COL19A1: variants seen among roughly 807,000 people sequenced by gnomAD.
The protein encoded by COL19A1 is collagen type XIX alpha 1 chain.
Under a neutral mutation model 190.2 loss-of-function variants are expected in COL19A1, and 159 were observed. That is an observed-to-expected ratio of 0.84 (90% confidence interval 0.73 to 0.95). The LOEUF (loss-of-function observed/expected upper bound fraction) is 0.95. COL19A1 is among the 40% of genes least tolerant of loss of function. The pLI is 0.00. For missense variants in COL19A1, 1,418 were observed against 1,431.9 expected (o/e 0.99, Z 0.16); for synonymous variants, 509 against 458.9 (o/e 1.11, Z -1.39).
chr6:70,164,907 A>AT (rs937293255), intron 36 of COL19A1, among the ~76,000 whole-genome samples: 4 of 152,282 alleles, frequency 2.6e-5, no homozygotes, highest in African/African-American at 9.6e-5. Context: ...TTTACAGTTT[A>AT]TTTTTATTGA....
intron 15 of COL19A1, among the ~76,000 whole-genome samples, 163 bp from the exon 16 acceptor site, chr6:70,102,006 G>A (rs763486065): frequency 6.6e-6 from 1 of 152,076 alleles, no homozygotes; most frequent in Non-Finnish European, 1.5e-5. Flanking sequence ...TTAAAAATTG[G>A]CCCACAGCTT....
At chr6:70,040,372 T>C (rs1779575727) in intron 14 of COL19A1, among the ~76,000 whole-genome samples, 1 of 152,162 alleles carries the variant, frequency 6.6e-6, no homozygotes, top group Non-Finnish European at 1.5e-5. Flanking sequence ...TAGAAACAGT[T>C]TGATTTGCTA....
chr6:70,112,869 A>G (rs1362234714), intron 16 of COL19A1, among the ~76,000 whole-genome samples: 4 of 152,172 alleles, frequency 2.6e-5, no homozygotes, highest in Non-Finnish European at 1.5e-5. Context: ...AGTTCCCTCA[A>G]TTACACAGCT....
At chr6:69,929,757 C>G in intron 6 of COL19A1, 57 bp downstream of exon 6, 1 of 1,350,654 alleles carries the variant, frequency 7.4e-7, no homozygotes, top group Non-Finnish European at 1.0e-6. Context: ...AAAAAAAAAT[C>G]TTATTAAAAA....
Position 70,151,415 on chromosome 6 carries a change from G to A in COL19A1, c.2056G>A (p.Gly686Arg), listed in dbSNP as rs138837468. ...PGDPIALPLL[G>R]DIGALLKNFC... ...ACCACAGATTGCACTTCCTCTCTTG[G>A]GAGACATCGGTGCTTTGCTCAAGGT... Residue 686 changes from glycine (G) to arginine (R), a missense_variant, in exon 31 of 51, where the codon GGA becomes AGA. Physicochemically the swap from Gly to Arg is moderately radical, Grantham distance 125. Transcript: ENST00000620364. 4 of 1,612,494 alleles carry A rather than the reference G, an allele frequency of 2.5e-6. No individual in the cohort carries two copies. Among genetic ancestry groups the A allele is most frequent in the Non-Finnish European group, 3.4e-6 (4 of 1,179,080 alleles).
chr6:69,898,209 A>G (rs185966108), intron 2 of COL19A1, among the ~76,000 whole-genome samples: 12 of 152,312 alleles, frequency 7.9e-5, no homozygotes, highest in African/African-American at 2.9e-4. Flanking sequence ...TTGTACAGTT[A>G]TCTTGGCACA....
chr6:70,142,160 C>A, intron 22 of COL19A1, 84 bp downstream of exon 22: 1 of 1,227,412 alleles, frequency 8.1e-7, no homozygotes, highest in Non-Finnish European at 1.2e-6. Flanking sequence ...TTTGGTATGC[C>A]ACTCATTTTC....
At chr6:70,021,014 G>C (rs1365315692) in intron 11 of COL19A1, among the ~76,000 whole-genome samples, 11 of 151,950 alleles carry the variant, frequency 7.2e-5, no homozygotes, top group Non-Finnish European at 1.5e-4. Flanking sequence ...CTACTTTATG[G>C]AAATCCAGAT....
chr6:70,049,507 A>G (rs947988679), intron 14 of COL19A1, among the ~76,000 whole-genome samples: 5 of 152,022 alleles, frequency 3.3e-5, no homozygotes, highest in African/African-American at 1.2e-4. Flanking sequence ...CTCGTTCGAC[A>G]TGGAGGTGAT....
intron 18 of COL19A1, among the ~76,000 whole-genome samples, chr6:70,135,116 T>C (rs770811224): frequency 3.3e-5 from 5 of 152,066 alleles, no homozygotes; most frequent in Non-Finnish European, 5.9e-5. Flanking sequence ...TGTTACAAAG[T>C]TTACAGATGA....
rs914868372 is a variant in COL19A1, at chr6:70,005,843, C to T, written c.1027-17784C>T. The stretch of plus-strand genomic sequence containing the variant: ...GCCCAGGGAGATCCAGGTTCTGTCC[C>T]GGAGCCTCTGGCTGGAGTTATTGGA... On this transcript the variant is annotated intron_variant, in intron 11 of 50. Coordinates refer to ENST00000620364, the MANE Select transcript of COL19A1 (RefSeq NM_001858.6). Among the ~76,000 whole-genome samples, 5 of 152,096 alleles carry T rather than the reference C, an allele frequency of 3.3e-5. 1 individual carries two copies. The highest frequency in any genetic ancestry group is 4.8e-5 in the African/African-American group (2 of 41,420).
At chr6:69,964,558 G>C (rs1423735899) in intron 11 of COL19A1, among the ~76,000 whole-genome samples, 1 of 152,084 alleles carries the variant, frequency 6.6e-6, no homozygotes, top group Non-Finnish European at 1.5e-5. Flanking sequence ...AGCTGGTATA[G>C]CTCAATAATA....
At chr6:70,098,930 G>A (rs1783452493) in intron 15 of COL19A1, among the ~76,000 whole-genome samples, 2 of 151,492 alleles carry the variant, frequency 1.3e-5, no homozygotes, top group Admixed American at 1.3e-4. Context: ...AGAAATTGCA[G>A]CCCCTAAGAA....
At chr6:69,929,310 T>C in intron 5 of COL19A1, 115 bp from the exon 6 acceptor site, 1 of 989,708 alleles carries the variant, frequency 1.0e-6, no homozygotes, top group South Asian at 1.8e-5. Context: ...TCATCTAAAA[T>C]ATTTTACTAA....
intron 48 of COL19A1, among the ~76,000 whole-genome samples, chr6:70,195,989 G>A (rs1030105476): frequency 2.0e-5 from 3 of 152,086 alleles, no homozygotes; most frequent in South Asian, 2.1e-4. Context: ...TGTTTAATCC[G>A]CCATCTTTAC....
chr6:69,937,729 T>C (rs1773201936), intron 8 of COL19A1, among the ~76,000 whole-genome samples: 1 of 152,064 alleles, frequency 6.6e-6, no homozygotes, highest in African/African-American at 2.4e-5. Flanking sequence ...GTGGCCAATA[T>C]TGCATAGTAA....
At chr6:70,021,275 T>C (rs2150103273) in intron 11 of COL19A1, among the ~76,000 whole-genome samples, 2 of 152,286 alleles carry the variant, frequency 1.3e-5, no homozygotes, top group Admixed American at 1.3e-4. Context: ...AGCATAAATT[T>C]CATCAGAATA....
chr6:70,075,709 C>A (rs1378944963), intron 15 of COL19A1, among the ~76,000 whole-genome samples: 1 of 152,028 alleles, frequency 6.6e-6, no homozygotes, highest in African/African-American at 2.4e-5. Flanking sequence ...GTAAATTTCA[C>A]TCTAACTAGT....
intron 27 of COL19A1, among the ~76,000 whole-genome samples, chr6:70,147,535 T>G (rs964394081): frequency 6.6e-6 from 1 of 152,146 alleles, no homozygotes. Flanking sequence ...AAATGGTTAT[T>G]CTAATGACAT....
Sources: allele counts gnomAD v4.1 joint callset (sites outside exome capture counted in the v4.1 genomes callset), GRCh38; gene constraint gnomAD v4.1.1; transcripts MANE v1.5; gene names NCBI Gene and HGNC (gene_info 2026-07-23, HGNC 2026-07-21).